The following COP1 variants were observed in gnomAD, a reference collection of about 807,000 sequenced individuals.
COP1 encodes E3 ubiquitin-protein ligase COP1.
Under a neutral mutation model 101.3 loss-of-function variants are expected in COP1, and 24 were observed. That is an observed-to-expected ratio of 0.24 (90% confidence interval 0.17 to 0.33). The LOEUF is 0.33. COP1 is among the 10% of genes least tolerant of loss of function. The pLI, the probability that COP1 is intolerant of heterozygous loss-of-function variation, is 1.00. For missense variants in COP1, 663 were observed against 906.2 expected (o/e 0.73, Z 3.45); for synonymous variants, 347 against 341.9 (o/e 1.01, Z -0.17).
chr1:176,172,275 C>T (rs914134538), intron 3 of COP1, among the ~76,000 whole-genome samples: 8 of 152,174 alleles, frequency 5.3e-5, no homozygotes, highest in African/African-American at 9.7e-5. Context: ...CTCATGGCCT[C>T]GAATAAGCCT....
At chr1:176,122,047 G>A (rs1337586423) in intron 8 of COP1, among the ~76,000 whole-genome samples, 1 of 151,704 alleles carries the variant, frequency 6.6e-6, no homozygotes, top group Non-Finnish European at 1.5e-5. Context: ...GGCTGAGGCA[G>A]GAGAATGGTG....
chr1:176,033,119 T>G (rs937114493), intron 14 of COP1, among the ~76,000 whole-genome samples: 2 of 151,972 alleles, frequency 1.3e-5, no homozygotes, highest in African/African-American at 4.8e-5. Flanking sequence ...CTAAGAAAAT[T>G]TGGAATGAAG....
At chr1:176,163,028 A>T (rs1192114559) in intron 4 of COP1, 40 bp from the exon 5 acceptor site, 2 of 1,583,512 alleles carry the variant, frequency 1.3e-6, no homozygotes, top group Non-Finnish European at 8.6e-7. Context: ...ACTTCCTATG[A>T]AGACTGTTTT....
intron 9 of COP1, chr1:176,100,254 A>G (rs764167932): frequency 5.3e-5 from 13 of 246,148 alleles, no homozygotes; most frequent in South Asian, 4.7e-4. Context: ...CCAGGTGTGG[A>G]GGCAGGCGCC....
At chr1:176,134,872 T>C (rs905301211) in intron 8 of COP1, 138 bp downstream of exon 8, 3 of 562,898 alleles carry the variant, frequency 5.3e-6, no homozygotes, top group African/African-American at 3.8e-5. Flanking sequence ...ATGGGCCATA[T>C]GAATATCATT....
At chr1:176,116,359 C>T (rs1390863541) in intron 9 of COP1, among the ~76,000 whole-genome samples, 1 of 152,050 alleles carries the variant, frequency 6.6e-6, no homozygotes, top group Non-Finnish European at 1.5e-5. Flanking sequence ...CTCAAAAAAA[C>T]AAAAACAAAA....
At chr1:176,185,009 T>A (rs974942784) in intron 1 of COP1, among the ~76,000 whole-genome samples, 1 of 152,150 alleles carries the variant, frequency 6.6e-6, no homozygotes, top group African/African-American at 2.4e-5. Context: ...AGAGCCCTTT[T>A]AAGAAAGCTC....
chr1:176,143,240 T>C (rs1691032297), intron 6 of COP1, among the ~76,000 whole-genome samples: 2 of 151,988 alleles, frequency 1.3e-5, no homozygotes, highest in Admixed American at 6.6e-5. Context: ...AGACCAATCT[T>C]ACGCCAATAA....
At position 176,112,772 on chromosome 1, in the gene COP1, C is replaced by CT. The variant is rs201757466; in HGVS notation, c.1026+3851dup. 5.1e-3 allele frequency among the ~76,000 whole-genome samples: 770 copies of CT among 151,102 alleles called. 9 individuals carry two copies. The highest frequency in any genetic ancestry group is 0.018 in the African/African-American group (718 of 40,704). On this transcript the variant is annotated intron_variant, in intron 9 of 19. Coordinates refer to ENST00000367669, the MANE Select transcript of COP1 (RefSeq NM_022457.7). ...CCACTCTCTGCCTCCATGAGATCCA[C>CT]TTTTTTTTGGCTCCCATTTAAGAAT...
At chr1:176,099,203 AG>A (rs1442610688) in intron 9 of COP1, among the ~76,000 whole-genome samples, 1 of 152,228 alleles carries the variant, frequency 6.6e-6, no homozygotes, top group African/African-American at 2.4e-5. Flanking sequence ...AACAAGCTAT[AG>A]GACTCTAACA....
At chr1:176,135,749 A>C (rs1472981623) in intron 7 of COP1, among the ~76,000 whole-genome samples, 5 of 152,050 alleles carry the variant, frequency 3.3e-5, no homozygotes, top group African/African-American at 1.2e-4. Context: ...AGCAAATTTT[A>C]AAATGCCACT....
intron 9 of COP1, among the ~76,000 whole-genome samples, chr1:176,099,704 A>G (rs1006656038): frequency 6.6e-6 from 1 of 152,216 alleles, no homozygotes; most frequent in Non-Finnish European, 1.5e-5. Context: ...GCTTCCCTTT[A>G]AGGAGTCAAG....
chr1:175,964,442 A>G (rs1439638475), intron 18 of COP1, among the ~76,000 whole-genome samples: 1 of 152,168 alleles, frequency 6.6e-6, no homozygotes, highest in Admixed American at 6.5e-5. Flanking sequence ...AGCCCAGAAG[A>G]TGATTTTTAA....
At chr1:176,043,060 T>G in intron 14 of COP1, 126 bp downstream of exon 14, 14 of 659,930 alleles carry the variant, frequency 2.1e-5, no homozygotes. Flanking sequence ...TGGGGAATAA[T>G]AATAATCAGT....
At chr1:176,158,636 T>C (rs1233088518) in intron 5 of COP1, among the ~76,000 whole-genome samples, 1 of 133,294 alleles carries the variant, frequency 7.5e-6, no homozygotes. Context: ...GGTTCTTTTT[T>C]TTTTTTTTTT....
chr1:176,128,499 A>G (rs956210644), intron 8 of COP1, among the ~76,000 whole-genome samples: 5 of 152,034 alleles, frequency 3.3e-5, no homozygotes, highest in African/African-American at 1.2e-4. Flanking sequence ...GAATTAAGGA[A>G]AGTAACCTTT....
intron 11 of COP1, among the ~76,000 whole-genome samples, chr1:176,067,894 C>A (rs1009887970): frequency 3.3e-5 from 5 of 152,216 alleles, no homozygotes; most frequent in African/African-American, 1.2e-4. Context: ...CACGCTCCCA[C>A]GATCTGCCTG....
intron 18 of COP1, among the ~76,000 whole-genome samples, chr1:175,951,881 C>T (rs61820932): frequency 0.27 from 16,402 of 61,168 alleles, 975 homozygotes; most frequent in Non-Finnish European, 0.46. Context: ...TATATGAAAA[C>T]GTTAAGACTA....
chr1:176,138,317 G>T (rs915842985), intron 6 of COP1, among the ~76,000 whole-genome samples: 5 of 152,096 alleles, frequency 3.3e-5, no homozygotes, highest in African/African-American at 1.2e-4. Flanking sequence ...TAAAGAGATG[G>T]GCAAAGGAAG....
Sources: allele counts gnomAD v4.1 joint callset (sites outside exome capture counted in the v4.1 genomes callset), GRCh38; gene constraint gnomAD v4.1.1; transcripts MANE v1.5; gene names NCBI Gene and HGNC (gene_info 2026-07-23, HGNC 2026-07-21).